The following ADAMTSL1 variants were observed in gnomAD, a reference collection of about 807,000 sequenced individuals.
ADAMTSL1 encodes ADAMTS-like protein 1.
In ADAMTSL1, 126 loss-of-function variants were observed where a neutral mutation model predicts 201.8. The observed-to-expected ratio is 0.62, with a 90% CI of 0.54 to 0.72. The LOEUF is 0.72. ADAMTSL1 is among the 30% of genes least tolerant of loss of function. The pLI, the probability that ADAMTSL1 is intolerant of heterozygous loss-of-function variation, is 0.00. For synonymous variants in ADAMTSL1, 1,121 were observed against 903.4 expected (o/e 1.24, Z -4.32); for missense variants, 2,679 against 2,277.8 (o/e 1.18, Z -3.59).
rs1328097468 is a variant in ADAMTSL1 at position 18,474,226 on chromosome 9, T to A, written c.-7T>A. On this transcript the variant is annotated 5_prime_UTR_variant, in exon 1 of 29. Transcript: ENST00000380548. ...TGTCCGATTCTGATTCCGGCAAGGA[T>A]CCAAGCATGGAATGCTGCCGTCGGG... 3.7e-6 allele frequency: 6 copies of A among 1,614,082 alleles called. No individual in the cohort carries two copies. Among genetic ancestry groups the A allele is most frequent in the Non-Finnish European group, 5.1e-6 (6 of 1,179,952 alleles).
intron 19 of ADAMTSL1, among the ~76,000 whole-genome samples, chr9:18,794,438 AC>A (rs1204963135): frequency 6.6e-6 from 1 of 151,880 alleles, no homozygotes; most frequent in African/African-American, 2.4e-5. Flanking sequence ...ACAAAAAAAA[AC>A]AAACCTGAGT....
At chr9:18,808,728 A>G (rs1823314730) in intron 20 of ADAMTSL1, among the ~76,000 whole-genome samples, 1 of 152,246 alleles carries the variant, frequency 6.6e-6, no homozygotes, top group South Asian at 2.1e-4. Flanking sequence ...ATTATATTTT[A>G]AACAAGTGCC....
intron 1 of ADAMTSL1, among the ~76,000 whole-genome samples, chr9:18,486,397 C>T (rs1235851058): frequency 1.3e-5 from 2 of 152,144 alleles, no homozygotes; most frequent in Admixed American, 6.5e-5. Flanking sequence ...AAAATAGAGG[C>T]TATTTCAAAA....
At chr9:18,563,686 G>A (rs1409611291) in intron 3 of ADAMTSL1, among the ~76,000 whole-genome samples, 2 of 152,206 alleles carry the variant, frequency 1.3e-5, no homozygotes, top group African/African-American at 4.8e-5. Flanking sequence ...TGGGGCTGCT[G>A]CCTTTCCTTC....
At chr9:17,995,935 G>A (rs73643486) in intron 1 of ADAMTSL1, among the ~76,000 whole-genome samples, 3,902 of 151,920 alleles carry the variant, frequency 0.026, 122 homozygotes, top group African/African-American at 0.08. Flanking sequence ...GACACAGTCC[G>A]TATAGCTAGG....
chr9:17,972,962 C>A (rs979998917), intron 1 of ADAMTSL1, among the ~76,000 whole-genome samples: 1 of 149,884 alleles, frequency 6.7e-6, no homozygotes, highest in Non-Finnish European at 1.5e-5. Context: ...TAAATGTCTT[C>A]TTTTGAGAAG....
intron 2 of ADAMTSL1, among the ~76,000 whole-genome samples, chr9:18,327,483 C>T (rs1035244329): frequency 2.6e-5 from 4 of 152,262 alleles, no homozygotes; most frequent in Middle Eastern, 3.4e-3. Context: ...GTCAATCAGC[C>T]CACGTAGGCA....
intron 1 of ADAMTSL1, among the ~76,000 whole-genome samples, chr9:18,042,580 A>T (rs1003359158): frequency 6.6e-6 from 1 of 152,168 alleles, no homozygotes; most frequent in Non-Finnish European, 1.5e-5. Context: ...TTGCTACTCT[A>T]TTCTGCCTCT....
chr9:18,798,056 G>T (rs1394902853), intron 20 of ADAMTSL1, among the ~76,000 whole-genome samples: 5 of 151,136 alleles, frequency 3.3e-5, no homozygotes, highest in Admixed American at 6.6e-5. Context: ...AACTGCAGGG[G>T]TTTTTTCCTG....
At chr9:18,831,970 A>C (rs1479742971) in intron 23 of ADAMTSL1, among the ~76,000 whole-genome samples, 1 of 152,208 alleles carries the variant, frequency 6.6e-6, no homozygotes, top group Non-Finnish European at 1.5e-5. Context: ...AAGGAAGAGA[A>C]ATGGGCACTC....
chr9:17,948,592 G>A (rs1018539166), intron 1 of ADAMTSL1, among the ~76,000 whole-genome samples: 1 of 152,144 alleles, frequency 6.6e-6, no homozygotes, highest in African/African-American at 2.4e-5. Context: ...AGCGTCAGAT[G>A]AATACTAGTT....
chr9:18,292,459 G>A (rs1460069337), intron 2 of ADAMTSL1, among the ~76,000 whole-genome samples: 2 of 152,176 alleles, frequency 1.3e-5, no homozygotes, highest in Admixed American at 6.5e-5. Context: ...ATTGAAGGAT[G>A]TAAAGTACTG....
intron 1 of ADAMTSL1, among the ~76,000 whole-genome samples, chr9:18,049,702 C>A (rs62553131): frequency 0.024 from 3,595 of 152,026 alleles, 73 homozygotes; most frequent in South Asian, 0.081. Context: ...TGGCTCACTG[C>A]AAGCCCCGCC....
chr9:18,873,853 G>A (rs1372563270), intron 23 of ADAMTSL1, among the ~76,000 whole-genome samples: 5 of 152,040 alleles, frequency 3.3e-5, no homozygotes, highest in Non-Finnish European at 2.9e-5. Context: ...GTATCTTGAT[G>A]GGAATTGCAT....
chr9:18,270,357 T>G (rs1832308173), intron 2 of ADAMTSL1, among the ~76,000 whole-genome samples: 1 of 152,102 alleles, frequency 6.6e-6, no homozygotes, highest in Non-Finnish European at 1.5e-5. Flanking sequence ...ATGAATTTCC[T>G]GGGGAACACA....
chr9:18,584,070 C>T (rs1269491603), intron 4 of ADAMTSL1, among the ~76,000 whole-genome samples: 1 of 151,972 alleles, frequency 6.6e-6, no homozygotes, highest in Non-Finnish European at 1.5e-5. Flanking sequence ...TTGTAATTTG[C>T]AATATGAGAA....
chr9:18,054,604 G>A (rs1017322177), intron 1 of ADAMTSL1, among the ~76,000 whole-genome samples: 13 of 152,130 alleles, frequency 8.5e-5, no homozygotes, highest in African/African-American at 2.4e-4. Flanking sequence ...ATCCACCATC[G>A]GGGGGCTAGT....
intron 4 of ADAMTSL1, among the ~76,000 whole-genome samples, chr9:18,596,037 T>C (rs1357018575): frequency 6.6e-6 from 1 of 152,208 alleles, no homozygotes; most frequent in Admixed American, 6.5e-5. Flanking sequence ...GGTTACCTCC[T>C]ATTCTGCTAT....
At chr9:18,049,563 A>G (rs1200905545) in intron 1 of ADAMTSL1, among the ~76,000 whole-genome samples, 1 of 152,150 alleles carries the variant, frequency 6.6e-6, no homozygotes. Flanking sequence ...AGCAGAGCCC[A>G]GTGGTAGAGT....
Sources: allele counts gnomAD v4.1 joint callset (sites outside exome capture counted in the v4.1 genomes callset), GRCh38; gene constraint gnomAD v4.1.1; transcripts MANE v1.5; gene names NCBI Gene and HGNC (gene_info 2026-07-23, HGNC 2026-07-21).